The following NECAB2 variants were observed in gnomAD, a reference collection of about 807,000 sequenced individuals.
The protein encoded by NECAB2 is N-terminal EF-hand calcium-binding protein 2.
NECAB2 carries 68 observed loss-of-function variants against 51.9 expected under a neutral mutation model. The ratio of observed to expected loss-of-function variants is 1.31; its 90% CI spans 1.08 to 1.60. NECAB2 has a LOEUF of 1.60. NECAB2 is among the 40% of genes most tolerant of loss of function. The pLI is 0.00. For missense variants in NECAB2, 854 were observed against 490.3 expected (o/e 1.74, Z -7.00); for synonymous variants, 329 against 203.5 (o/e 1.62, Z -5.25).
intron 10 of NECAB2, among the ~76,000 whole-genome samples, chr16:83,999,612 G>A (rs1228741679): frequency 1.3e-5 from 2 of 152,078 alleles, no homozygotes; most frequent in African/African-American, 4.8e-5. Flanking sequence ...ATGGTCACTT[G>A]GGGCTTCCTC....
intron 10 of NECAB2, among the ~76,000 whole-genome samples, chr16:84,000,176 A>G (rs1490152311): frequency 1.3e-5 from 2 of 152,048 alleles, no homozygotes; most frequent in African/African-American, 2.4e-5. Context: ...TTCTGCGATT[A>G]CAGGCGTGAA....
upstream of NECAB2, chr16:83,966,058 A>G: frequency 1.5e-6 from 2 of 1,356,834 alleles, no homozygotes; most frequent in Non-Finnish European, 2.0e-6. Flanking sequence ...AGAGATGACC[A>G]CATCCCTGCT....
intron 4 of NECAB2, 56 bp downstream of exon 4, chr16:83,980,920 A>G (rs1421253302): frequency 1.9e-6 from 3 of 1,612,320 alleles, no homozygotes; most frequent in Middle Eastern, 1.6e-4. Flanking sequence ...GGGCTGGATG[A>G]GAAGGGCCTG....
intron 11 of NECAB2, 78 bp from the exon 12 acceptor site, chr16:84,001,747 G>C (rs751201711): frequency 2.0e-6 from 3 of 1,509,692 alleles, no homozygotes; most frequent in Admixed American, 1.7e-5. Flanking sequence ...TTTTGGGCTA[G>C]AGCTAGGATT....
At chr16:83,975,890 G>A (rs2084402905) in intron 2 of NECAB2, among the ~76,000 whole-genome samples, 1 of 152,200 alleles carries the variant, frequency 6.6e-6, no homozygotes. Flanking sequence ...AATTGGACTG[G>A]GGGCCTACGT....
chr16:83,975,397 A>AG lies in NECAB2; in HGVS notation c.227-3045dup, dbSNP rs905725044. On this transcript the variant is annotated intron_variant, in intron 2 of 12. Coordinates refer to ENST00000305202, the MANE Select transcript of NECAB2 (RefSeq NM_019065.3). ...AGGGGGTGCAGATGTGGAGGCCGAT[A>AG]GGCCCACAAGCACACACAGGACTGC... 2.0e-5 allele frequency among the ~76,000 whole-genome samples: 3 copies of AG among 152,028 alleles called. 1 individual carries two copies. Among genetic ancestry groups the AG allele is most frequent in the Admixed American group, 2.0e-4 (3 of 15,266 alleles).
At chr16:83,998,366 CTGGCAGTGGAGGAACA>C in intron 10 of NECAB2, 49 bp downstream of exon 10, 1 of 1,569,056 alleles carries the variant, frequency 6.4e-7, no homozygotes. Flanking sequence ...GGAGCTCTGC[CTGGCAGTGGAGGAACA>C]GGGCAGGACT....
chr16:83,983,886 C>G (rs1023722811), intron 5 of NECAB2, among the ~76,000 whole-genome samples: 1 of 151,750 alleles, frequency 6.6e-6, no homozygotes, highest in Non-Finnish European at 1.5e-5. Flanking sequence ...ACGCTTGGGT[C>G]TCAGTGTTAA....
At chr16:83,979,582 G>A (rs572291772) in intron 3 of NECAB2, among the ~76,000 whole-genome samples, 1 of 152,166 alleles carries the variant, frequency 6.6e-6, no homozygotes, top group Admixed American at 6.5e-5. Flanking sequence ...TTTCTGAGCT[G>A]TTACTGCAGC....
intron 6 of NECAB2, 148 bp from the exon 7 acceptor site, chr16:83,994,154 T>C (rs2084663315): frequency 1.4e-6 from 1 of 721,096 alleles, no homozygotes; most frequent in African/African-American, 1.8e-5. Context: ...CCTCATTTCC[T>C]CCTCTGTCAA....
At chr16:83,995,748 G>T (rs1454616063) in intron 8 of NECAB2, among the ~76,000 whole-genome samples, 2 of 152,178 alleles carry the variant, frequency 1.3e-5, no homozygotes, top group Non-Finnish European at 2.9e-5. Context: ...CGCATGGAGG[G>T]AGACAGAGGC....
chr16:83,968,944 A>G, intron 1 of NECAB2, 95 bp downstream of exon 1: 1 of 796,674 alleles, frequency 1.3e-6, no homozygotes, highest in Non-Finnish European at 1.5e-6. Context: ...GCGACCCGCG[A>G]GGCCCTCCCT....
At chr16:83,980,381 T>G (rs1163074335) in intron 3 of NECAB2, among the ~76,000 whole-genome samples, 1 of 151,816 alleles carries the variant, frequency 6.6e-6, no homozygotes, top group African/African-American at 2.4e-5. Context: ...GGAATGGGGA[T>G]ATGGGACCCA....
Position 83,968,829 on chromosome 16 carries a change from G to A in NECAB2, c.181G>A (p.Gly61Ser). The A allele has an allele frequency of 8.9e-7, 1 of 1,127,564 alleles. No individual in the cohort carries two copies. The highest frequency in any genetic ancestry group is 1.1e-6 in the Non-Finnish European group (1 of 921,864). The allele number at this position is 1,127,564 out of a possible 1,614,324, so 69.8% of individuals were successfully genotyped here. Residue 61 changes from glycine (G) to serine (S), a missense_variant, in exon 1 of 13, where the codon GGC (glycine) becomes AGC (serine). Gly to Ser is a moderately conservative substitution (Grantham distance 56). Coordinates refer to ENST00000305202, the MANE Select transcript of NECAB2 (RefSeq NM_019065.3). ...CCCCGGCCCAGCCTCGCCGCGCGGGGGCACCGCCGTCATCCTGGACGTGAG... is the reference window on the plus strand; with the variant it reads ...CCCCGGCCCAGCCTCGCCGCGCGGGAGCACCGCCGTCATCCTGGACGTGAG... The part of the protein sequence containing the change: ...ADPGPASPRG[G>S]TAVILDIFRR...
At chr16:83,991,240 C>G (rs914900655) in intron 6 of NECAB2, among the ~76,000 whole-genome samples, 2 of 152,062 alleles carry the variant, frequency 1.3e-5, no homozygotes, top group African/African-American at 4.8e-5. Flanking sequence ...GCCTTAGCCT[C>G]CCAAAGTGCT....
Position 84,002,463 on chromosome 16 carries a change from A to G in NECAB2, c.*117A>G, listed in dbSNP as rs552049305. The G allele has an allele frequency of 7.5e-7, 1 of 1,336,980 alleles. No individual in the cohort carries two copies. The highest frequency in any genetic ancestry group is 1.5e-5 in the African/African-American group (1 of 68,952). The allele number at this position is 1,336,980 out of a possible 1,614,324, so 82.8% of individuals were successfully genotyped here. A position where few individuals can be genotyped will look rare whatever the true frequency, so the allele number is the denominator to read the frequency against. ...AGCTTCTTTTCAATCCATCCTCCAC[A>G]AGAAGGTGTTTCCCTGTTGTTAAGT... On this transcript the variant is annotated 3_prime_UTR_variant, in exon 13 of 13. Transcript: ENST00000305202.
At chr16:83,980,976 C>A in intron 4 of NECAB2, 54 bp from the exon 5 acceptor site, 1 of 1,604,972 alleles carries the variant, frequency 6.2e-7, no homozygotes, top group African/African-American at 1.3e-5. Flanking sequence ...TGCAGGAGTG[C>A]TGAGTGGGAG....
At chr16:84,002,228 C>T (rs1187499180) in intron 12 of NECAB2, 90 bp from the exon 13 acceptor site, 6 of 1,493,858 alleles carry the variant, frequency 4.0e-6, no homozygotes, top group South Asian at 1.1e-5. Context: ...TCAAAGCCAT[C>T]CCCCGACCTG....
chr16:83,985,032 G>A (rs1281128026), intron 5 of NECAB2, among the ~76,000 whole-genome samples: 1 of 152,068 alleles, frequency 6.6e-6, no homozygotes, highest in African/African-American at 2.4e-5. Flanking sequence ...TTTGATGGGG[G>A]CTGGGTGCAG....
Sources: allele counts gnomAD v4.1 joint callset (sites outside exome capture counted in the v4.1 genomes callset), GRCh38; gene constraint gnomAD v4.1.1; transcripts MANE v1.5; gene names NCBI Gene and HGNC (gene_info 2026-07-23, HGNC 2026-07-21).